The following SRGAP2B variants were observed in gnomAD, a reference collection of about 807,000 sequenced individuals.
SRGAP2B encodes the protein SLIT-ROBO Rho GTPase-activating protein 2B.
In SRGAP2B, 9 loss-of-function variants were observed where a neutral mutation model predicts 22.2. The observed-to-expected ratio is 0.41, with a 90% CI of 0.24 to 0.71. The LOEUF (loss-of-function observed/expected upper bound fraction) is 0.71. SRGAP2B is among the 30% of genes least tolerant of loss of function. SRGAP2B has a pLI of 0.35. For synonymous variants in SRGAP2B, 36 were observed against 87.4 expected, an observed-to-expected ratio of 0.41 and a Z score of 3.28; for missense variants, 114 against 235.8, an observed-to-expected ratio of 0.48 and a Z score of 3.38.
intron 2 of SRGAP2B, among the ~76,000 whole-genome samples, chr1:145,088,390 G>T (rs1571171753): frequency 7.9e-6 from 1 of 126,014 alleles, no homozygotes; most frequent in East Asian, 2.2e-4. Flanking sequence ...AAATGCTCCA[G>T]ATGGAAATTA....
Position 144,970,645 on chromosome 1 carries a change from T to TC in SRGAP2B, c.261-15045_261-15044insG, listed in dbSNP as rs1260505067. On this transcript the variant is annotated intron_variant, in intron 3 of 9. Coordinates refer to ENST00000612199, the Ensembl canonical transcript of SRGAP2B. ...ACATGTACCCTAAAACTTAAAGTAT[T>TC]AAAAAAAAAAAAAAGCATGATTCAG... Among the ~76,000 whole-genome samples the TC allele has an allele frequency of 1.0e-4, 13 of 128,466 alleles. No homozygotes were observed. In the East Asian group the frequency reaches 2.9e-3, roughly 28 times the overall value. 84.3% of individuals were successfully genotyped at this position (128,466 alleles called of 152,430 possible). A position where few individuals can be genotyped will look rare whatever the true frequency, so the allele number is the denominator to read the frequency against.
intron 4 of SRGAP2B, among the ~76,000 whole-genome samples, chr1:144,933,097 C>T (rs1172587205): frequency 1.6e-3 from 240 of 151,082 alleles, no homozygotes; most frequent in African/African-American, 5.4e-3. Flanking sequence ...GATTTGTGGA[C>T]GCCAAGCCAA....
At chr1:144,907,126 GGTGTGTGTGTGCGTGTGTGT>G (rs1663044875) in intron 5 of SRGAP2B, among the ~76,000 whole-genome samples, 2 of 146,854 alleles carry the variant, frequency 1.4e-5, no homozygotes, top group African/African-American at 5.4e-5. Context: ...GTAGAAGTTG[GGTGTGTGTGTGCGTGTGTGT>G]GTGTGTGTGT....
At chr1:145,044,179 T>C (rs1649480104) in intron 2 of SRGAP2B, among the ~76,000 whole-genome samples, 1 of 122,762 alleles carries the variant, frequency 8.1e-6, no homozygotes, top group Non-Finnish European at 1.6e-5. Context: ...ACTCCATGTA[T>C]GGTGCAGGAT....
rs1383224642 is a variant in SRGAP2B, at chr1:145,013,234, C to G, written c.68-18034G>C. Among the ~76,000 whole-genome samples, 5 of 147,134 alleles carry G rather than the reference C, an allele frequency of 3.4e-5. No individual in the cohort carries two copies. The East Asian group carries it at 1.0e-3, about 30-fold the overall frequency. On this transcript the variant is annotated intron_variant, in intron 2 of 9. Transcript: ENST00000612199. ...AGATTTAAAAGTACCCGTGTGAGCC[C>G]CAGTGACACATGCACCACCAGGAAA... is the stretch of plus-strand genomic sequence containing the variant.
intron 4 of SRGAP2B, among the ~76,000 whole-genome samples, chr1:144,947,564 A>G (rs1666557910): frequency 1.3e-5 from 2 of 149,832 alleles, no homozygotes; most frequent in East Asian, 1.9e-4. Flanking sequence ...AGCCTCTTAC[A>G]TTCCTTCCTC....
chr1:144,967,740 G>T (rs1419852056), intron 3 of SRGAP2B, among the ~76,000 whole-genome samples: 3 of 24,966 alleles, frequency 1.2e-4, no homozygotes, highest in African/African-American at 5.2e-4. Context: ...TTGATAGACC[G>T]CTAGCAAGAC....
chr1:145,062,330 A>G (rs1409447990), intron 2 of SRGAP2B, among the ~76,000 whole-genome samples: 1 of 148,148 alleles, frequency 6.8e-6, no homozygotes, highest in African/African-American at 2.5e-5. Context: ...AGCACAGACC[A>G]AAAGGTGAAT....
chr1:144,958,394 A>T (rs1553610745), intron 3 of SRGAP2B, among the ~76,000 whole-genome samples: 1 of 150,234 alleles, frequency 6.7e-6, no homozygotes, highest in African/African-American at 2.5e-5. Flanking sequence ...GGTGTGGCTC[A>T]CGCCTGCAAT....
At position 144,915,765 on chromosome 1, in the gene SRGAP2B, A is replaced by C. The variant is rs1553603796; in HGVS notation, c.424-1011T>G. Among the ~76,000 whole-genome samples, 4 of 150,856 alleles carry C rather than the reference A, an allele frequency of 2.7e-5. 1 individual carries two copies. Among genetic ancestry groups the C allele is most frequent in the African/African-American group, 9.9e-5 (4 of 40,376 alleles). ...GAAAAGGAAAGGAAAGAAAGGAGGA[A>C]GCAGGAAGGAAATTGTCACACCTTC... On this transcript the variant is annotated intron_variant, in intron 4 of 9. Transcript: ENST00000612199.
chr1:144,993,062 G>C (rs1670381006), intron 3 of SRGAP2B, among the ~76,000 whole-genome samples: 1 of 151,250 alleles, frequency 6.6e-6, no homozygotes, highest in African/African-American at 2.5e-5. Flanking sequence ...ACATGGGCAT[G>C]ACTTAGACAT....
intron 3 of SRGAP2B, among the ~76,000 whole-genome samples, chr1:144,973,242 A>G (rs1668657324): frequency 6.8e-6 from 1 of 147,962 alleles, no homozygotes; most frequent in Non-Finnish European, 1.5e-5. Flanking sequence ...TTGTAGTATA[A>G]AATATGGAGA....
At chr1:144,925,743 G>GAAAGAAAGAAAGAA (rs1664653148) in intron 4 of SRGAP2B, among the ~76,000 whole-genome samples, 1 of 124,974 alleles carries the variant, frequency 8.0e-6, no homozygotes, top group East Asian at 2.6e-4. Flanking sequence ...AAGAAAGAAA[G>GAAAGAAAGAAAGAA]AAAGAAAGAA....
chr1:144,924,837 G>T (rs1190929296), intron 4 of SRGAP2B, among the ~76,000 whole-genome samples: 8 of 147,962 alleles, frequency 5.4e-5, no homozygotes, highest in Non-Finnish European at 1.5e-5. Flanking sequence ...TGACTTTTTT[G>T]GTCTAGTTGT....
intron 3 of SRGAP2B, among the ~76,000 whole-genome samples, chr1:144,984,591 C>A (rs1369027907): frequency 6.7e-6 from 1 of 149,744 alleles, no homozygotes; most frequent in Non-Finnish European, 1.5e-5. Flanking sequence ...GGGTGGGTAT[C>A]TGGCATGTGT....
At chr1:144,955,021 C>A (rs1667153786) in intron 4 of SRGAP2B, among the ~76,000 whole-genome samples, 1 of 150,530 alleles carries the variant, frequency 6.6e-6, no homozygotes, top group African/African-American at 2.5e-5. Context: ...TTTAAGAAAA[C>A]TTCCCAAAAC....
chr1:144,891,662 T>C (rs1662121754), exon 10 of SRGAP2B: 1 of 118,074 alleles, frequency 8.5e-6, no homozygotes, highest in Admixed American at 8.4e-5. Context: ...TACGATGTTT[T>C]GGAATTATGT....
At chr1:145,021,670 C>T (rs1221997037) in intron 2 of SRGAP2B, among the ~76,000 whole-genome samples, 6 of 147,406 alleles carry the variant, frequency 4.1e-5, no homozygotes, top group East Asian at 2.0e-4. Context: ...AAAAATTAGC[C>T]GGGTGTGGTG....
intron 4 of SRGAP2B, among the ~76,000 whole-genome samples, chr1:144,915,637 A>G (rs1457019836): frequency 6.6e-6 from 1 of 151,088 alleles, no homozygotes; most frequent in Non-Finnish European, 1.5e-5. Flanking sequence ...GAGGCAGGAG[A>G]ATTGCTTGAA....
Sources: allele counts gnomAD v4.1 joint callset (sites outside exome capture counted in the v4.1 genomes callset), GRCh38; gene constraint gnomAD v4.1.1; transcripts MANE v1.5; gene names NCBI Gene and HGNC (gene_info 2026-07-23, HGNC 2026-07-21).